Variants in IMMP2L observed in about 807,000 individuals in gnomAD.
IMMP2L encodes mitochondrial inner membrane protease subunit 2.
Under a neutral mutation model 19.3 loss-of-function variants are expected in IMMP2L, and 18 were observed. The ratio of observed to expected loss-of-function variants is 0.93; its 90% CI spans 0.64 to 1.38. IMMP2L has a LOEUF of 1.38. Ranked by LOEUF, IMMP2L falls within the 40% of genes most tolerant of loss-of-function variation. IMMP2L has a pLI of 0.00. For missense variants in IMMP2L, 233 were observed against 218.2 expected (o/e 1.07, Z -0.43); for synonymous variants, 76 against 73.0 (o/e 1.04, Z -0.21).
At chr7:111,297,129 A>G (rs1821721054) in intron 3 of IMMP2L, among the ~76,000 whole-genome samples, 1 of 152,068 alleles carries the variant, frequency 6.6e-6, no homozygotes, top group Non-Finnish European at 1.5e-5. Context: ...AAAGTTCTGC[A>G]TCTTGATTAT....
At chr7:110,796,003 G>A (rs1438009332) in intron 5 of IMMP2L, among the ~76,000 whole-genome samples, 1 of 151,932 alleles carries the variant, frequency 6.6e-6, no homozygotes, top group Non-Finnish European at 1.5e-5. Flanking sequence ...GAATCATCAG[G>A]GCGGTTACTC....
chr7:111,239,303 C>A (rs894943439), intron 3 of IMMP2L, among the ~76,000 whole-genome samples: 8 of 151,868 alleles, frequency 5.3e-5, no homozygotes, highest in African/African-American at 1.9e-4. Context: ...TATGATCAAG[C>A]CTCAAAAGCC....
chr7:110,919,571 C>G (rs879413410), intron 4 of IMMP2L, among the ~76,000 whole-genome samples: 1 of 152,092 alleles, frequency 6.6e-6, no homozygotes, highest in Non-Finnish European at 1.5e-5. Context: ...ATATTTTCTT[C>G]CTTGTTTGTT....
chr7:111,020,606 A>T (rs1204598090), intron 3 of IMMP2L, among the ~76,000 whole-genome samples: 5 of 152,012 alleles, frequency 3.3e-5, no homozygotes, highest in African/African-American at 1.2e-4. Context: ...CACCAAAAAC[A>T]CAAAATTTAG....
intron 3 of IMMP2L, among the ~76,000 whole-genome samples, chr7:111,228,841 G>T (rs186408329): frequency 2.0e-5 from 3 of 151,908 alleles, no homozygotes; most frequent in Admixed American, 2.0e-4. Context: ...ATTTTACAAT[G>T]TTATAAAAAA....
chr7:111,410,973 G>A (rs1834355889), intron 3 of IMMP2L, among the ~76,000 whole-genome samples: 1 of 148,540 alleles, frequency 6.7e-6, no homozygotes, highest in Non-Finnish European at 1.5e-5. Context: ...AATATTTAAA[G>A]AAAACATGCC....
At chr7:111,095,509 T>C (rs1797308018) in intron 3 of IMMP2L, among the ~76,000 whole-genome samples, 1 of 152,006 alleles carries the variant, frequency 6.6e-6, no homozygotes, top group African/African-American at 2.4e-5. Context: ...CAATATTCAA[T>C]AATAGAAGCA....
chr7:110,881,500 A>G (rs1809626135), intron 5 of IMMP2L, among the ~76,000 whole-genome samples: 1 of 152,210 alleles, frequency 6.6e-6, no homozygotes, highest in South Asian at 2.1e-4. Context: ...AATTTTCTAA[A>G]GAATAAGCAT....
intron 3 of IMMP2L, among the ~76,000 whole-genome samples, chr7:111,460,784 A>T (rs914739114): frequency 1.3e-5 from 2 of 152,100 alleles, no homozygotes; most frequent in African/African-American, 4.8e-5. Flanking sequence ...TTTTCCTACC[A>T]TAATATTAAT....
chr7:110,936,358 A>T (rs1040208061), intron 4 of IMMP2L, among the ~76,000 whole-genome samples: 2 of 152,196 alleles, frequency 1.3e-5, no homozygotes, highest in Non-Finnish European at 2.9e-5. Flanking sequence ...AACAAGAAAA[A>T]AACAAACAAC....
At chr7:111,022,896 A>T (rs1032876338) in intron 3 of IMMP2L, among the ~76,000 whole-genome samples, 1 of 152,134 alleles carries the variant, frequency 6.6e-6, no homozygotes, top group African/African-American at 2.4e-5. Flanking sequence ...TTTATGGGAA[A>T]ATGTTGTGAA....
intron 4 of IMMP2L, among the ~76,000 whole-genome samples, chr7:110,901,554 A>G (rs1434115224): frequency 1.3e-5 from 2 of 152,146 alleles, no homozygotes; most frequent in Non-Finnish European, 2.9e-5. Flanking sequence ...TTAAGTCTAA[A>G]AACCAAACCG....
intron 3 of IMMP2L, among the ~76,000 whole-genome samples, chr7:110,988,830 G>A (rs1459888432): frequency 6.6e-6 from 1 of 152,040 alleles, no homozygotes; most frequent in Non-Finnish European, 1.5e-5. Context: ...AATTTGGAAG[G>A]ATTATCATAT....
chr7:111,001,428 T>C (rs1563149026), intron 3 of IMMP2L, among the ~76,000 whole-genome samples: 2 of 152,158 alleles, frequency 1.3e-5, no homozygotes, highest in Non-Finnish European at 2.9e-5. Flanking sequence ...TAAATAAATA[T>C]AATATGTTCA....
intron 3 of IMMP2L, among the ~76,000 whole-genome samples, chr7:111,163,282 C>T (rs994046641): frequency 8.6e-5 from 13 of 152,044 alleles, no homozygotes; most frequent in African/African-American, 2.4e-4. Context: ...AACAAACCCA[C>T]GTGGCTTCAT....
intron 4 of IMMP2L, among the ~76,000 whole-genome samples, chr7:110,918,600 C>T (rs1040667767): frequency 2.0e-5 from 3 of 151,620 alleles, no homozygotes; most frequent in East Asian, 1.9e-4. Flanking sequence ...GGATTACAGG[C>T]GTGTACCACC....
At chr7:111,093,699 C>T (rs1797101486) in intron 3 of IMMP2L, among the ~76,000 whole-genome samples, 1 of 152,106 alleles carries the variant, frequency 6.6e-6, no homozygotes, top group African/African-American at 2.4e-5. Context: ...ACACTCCAGG[C>T]CCCCGGTGTT....
chr7:110,834,734 A>C (rs1292571289), intron 5 of IMMP2L, among the ~76,000 whole-genome samples: 1 of 152,192 alleles, frequency 6.6e-6, no homozygotes, highest in Non-Finnish European at 1.5e-5. Context: ...ATGAAAGTAG[A>C]CTAAGATTGG....
intron 5 of IMMP2L, among the ~76,000 whole-genome samples, chr7:110,767,223 G>C (rs1209442951): frequency 2.6e-5 from 4 of 152,060 alleles, no homozygotes; most frequent in African/African-American, 9.7e-5. Context: ...ACCTACAAAA[G>C]AACCAGTTTG....
Sources: allele counts gnomAD v4.1 joint callset (sites outside exome capture counted in the v4.1 genomes callset), GRCh38; gene constraint gnomAD v4.1.1; transcripts MANE v1.5; gene names NCBI Gene and HGNC (gene_info 2026-07-23, HGNC 2026-07-21).